TP63: variants seen among roughly 807,000 people sequenced by gnomAD.
The protein encoded by TP63 is tumor protein p63, also known as tumor protein 63.
Under a neutral mutation model 82.8 loss-of-function variants are expected in TP63, and 17 were observed. The observed-to-expected ratio is 0.21, with a 90% CI of 0.14 to 0.31. TP63 has a LOEUF of 0.31. Ranked by LOEUF, TP63 falls within the 10% of genes least tolerant of loss-of-function variation. The pLI, the probability that TP63 is intolerant of heterozygous loss-of-function variation, is 1.00. For missense variants in TP63, 648 were observed against 895.3 expected, an observed-to-expected ratio of 0.72 and a Z score of 3.52; for synonymous variants, 330 against 321.7, an observed-to-expected ratio of 1.03 and a Z score of -0.28.
rs770401195 is a variant in TP63 at position 189,751,066 on chromosome 3, G to A, written c.324+12292G>A. 3.9e-5 allele frequency among the ~76,000 whole-genome samples: 6 copies of A among 152,058 alleles called. No individual in the cohort carries two copies. The South Asian group carries it at 1.0e-3, about 26-fold the overall frequency. On this transcript the variant is annotated intron_variant, in intron 3 of 13. Transcript: ENST00000264731. Reference sequence around the variant, plus strand: ...TTCCCACCTATGAGTGAGAACATGCGGTGTTTGGTTTTCTGTCTTTGTGAT... The same window carrying A: ...TTCCCACCTATGAGTGAGAACATGCAGTGTTTGGTTTTCTGTCTTTGTGAT...
chr3:189,698,709 T>C (rs916085356), intron 1 of TP63, among the ~76,000 whole-genome samples: 2 of 152,198 alleles, frequency 1.3e-5, no homozygotes, highest in African/African-American at 4.8e-5. Context: ...ATTTATTACA[T>C]CCTAGAACTC....
upstream of TP63, among the ~76,000 whole-genome samples, chr3:189,626,857 G>GT (rs202246934): frequency 0.013 from 2,051 of 152,070 alleles, 24 homozygotes; most frequent in East Asian, 0.045. Context: ...TGAGATGTGT[G>GT]GTTTTTTTTC....
intron 1 of TP63, among the ~76,000 whole-genome samples, chr3:189,683,752 C>A (rs1193972578): frequency 6.6e-6 from 1 of 152,178 alleles, no homozygotes; most frequent in African/African-American, 2.4e-5. Flanking sequence ...AACATGAAGT[C>A]ATTGCAGTAG....
At chr3:189,621,353 T>G in the TP63 span, among the ~76,000 whole-genome samples, 2,356 of 152,136 alleles carry the variant, frequency 0.015, 47 homozygotes, top group African/African-American at 0.054. Flanking sequence ...TAAAAATAAT[T>G]TTTTACCTTG....
At chr3:189,827,012 A>G (rs891495953) in intron 4 of TP63, among the ~76,000 whole-genome samples, 13 of 152,254 alleles carry the variant, frequency 8.5e-5, no homozygotes, top group Admixed American at 2.0e-4. Flanking sequence ...CTGTGAGGTG[A>G]AAATAATCTC....
chr3:189,789,229 C>T (rs1724877941), intron 3 of TP63, among the ~76,000 whole-genome samples: 1 of 152,052 alleles, frequency 6.6e-6, no homozygotes, highest in Non-Finnish European at 1.5e-5. Context: ...TAATTTCTAA[C>T]TTTGTGTAAT....
chr3:189,832,536 T>G (rs1383090387), intron 4 of TP63, among the ~76,000 whole-genome samples: 1 of 152,222 alleles, frequency 6.6e-6, no homozygotes, highest in African/African-American at 2.4e-5. Context: ...TCCTTCATTT[T>G]TTAATAAAGC....
intron 1 of TP63, 39 bp from the exon 2 acceptor site, chr3:189,737,701 C>T (rs1467263190): frequency 6.2e-7 from 1 of 1,605,342 alleles, no homozygotes; most frequent in South Asian, 1.1e-5. Context: ...GTCATAAATA[C>T]AGAAAGTATA....
At chr3:189,613,794 A>G in the TP63 span, among the ~76,000 whole-genome samples, 1 of 152,168 alleles carries the variant, frequency 6.6e-6, no homozygotes, top group Admixed American at 6.5e-5. Flanking sequence ...GTCAAAGGAG[A>G]TCATTTTGGA....
intron 3 of TP63, among the ~76,000 whole-genome samples, chr3:189,767,084 T>C (rs1041282191): frequency 3.3e-5 from 5 of 152,188 alleles, no homozygotes; most frequent in African/African-American, 1.2e-4. Flanking sequence ...AACAAATCTT[T>C]CCCCATAACT....
chr3:189,766,777 T>C (rs1419734224), intron 3 of TP63, among the ~76,000 whole-genome samples: 1 of 152,212 alleles, frequency 6.6e-6, no homozygotes, highest in African/African-American at 2.4e-5. Flanking sequence ...TGCACAAACC[T>C]ACCTACCACT....
In TP63 at chr3:189,889,283, G is replaced by A. The variant is rs1353211068; in HGVS notation, c.1508-57G>A. 6.2e-6 allele frequency: 10 copies of A among 1,612,896 alleles called. No individual in the cohort carries two copies. In the South Asian group the frequency reaches 7.7e-5, roughly 12 times the overall value. ...TTTAACCAGACAAGATGGACCACTG[G>A]GATGCTGGTACATGATGATGGCAGT... On this transcript the variant is annotated intron_variant, in intron 11 of 13. Transcript: ENST00000264731.
intron 1 of TP63, among the ~76,000 whole-genome samples, chr3:189,727,563 CT>C (rs1484048629): frequency 2.0e-5 from 3 of 152,192 alleles, no homozygotes; most frequent in East Asian, 1.9e-4. Context: ...AGAAGTTCTA[CT>C]TTTTCTTTTT....
chr3:189,721,394 T>TAG (rs1176582131), intron 1 of TP63, among the ~76,000 whole-genome samples: 1 of 151,978 alleles, frequency 6.6e-6, no homozygotes. Flanking sequence ...AAATGAAAAC[T>TAG]AGAGAGAGAA....
upstream of TP63, among the ~76,000 whole-genome samples, chr3:189,630,785 G>T (rs1729425440): frequency 6.6e-6 from 1 of 152,010 alleles, no homozygotes; most frequent in Admixed American, 6.6e-5. Context: ...ATGTGAAAGG[G>T]ATATCTCTTT....
intron 1 of TP63, among the ~76,000 whole-genome samples, chr3:189,698,503 C>A (rs748208646): frequency 6.6e-6 from 1 of 152,070 alleles, no homozygotes; most frequent in African/African-American, 2.4e-5. Context: ...TGTAATGATA[C>A]CTTTCTAAAG....
At chr3:189,868,240 GTTTT>G (rs112285694) in intron 7 of TP63, among the ~76,000 whole-genome samples, 2 of 152,104 alleles carry the variant, frequency 1.3e-5, no homozygotes, top group African/African-American at 4.8e-5. Flanking sequence ...GCATTTCACA[GTTTT>G]TTTTAAGTCT....
intron 4 of TP63, among the ~76,000 whole-genome samples, chr3:189,822,870 A>T (rs1728936045): frequency 6.6e-6 from 1 of 152,180 alleles, no homozygotes; most frequent in African/African-American, 2.4e-5. Flanking sequence ...AGCCACAGGA[A>T]GGCAGATTGC....
At chr3:189,734,983 C>A (rs998795330) in intron 1 of TP63, among the ~76,000 whole-genome samples, 1 of 152,128 alleles carries the variant, frequency 6.6e-6, no homozygotes, top group Non-Finnish European at 1.5e-5. Context: ...TTGCACACCC[C>A]CATTTACTCC....
Sources: gnomAD v4.1 joint callset for allele counts (sites outside exome capture counted in the v4.1 genomes callset) on GRCh38, gnomAD v4.1.1 for gene constraint, MANE v1.5 for transcripts, NCBI Gene and HGNC (gene_info 2026-07-23, HGNC 2026-07-21) for gene names.